Variants in TNFRSF8 observed in about 807,000 individuals in gnomAD.
TNFRSF8 encodes TNF receptor superfamily member 8.
A neutral mutation model predicts 70.8 loss-of-function variants in TNFRSF8; 26 were observed. The observed-to-expected ratio is 0.37, with a 90% CI of 0.27 to 0.51. The LOEUF (loss-of-function observed/expected upper bound fraction) is 0.51. TNFRSF8 is among the 20% of genes least tolerant of loss of function. The pLI, the probability that TNFRSF8 is intolerant of heterozygous loss-of-function variation, is 0.94. For synonymous variants in TNFRSF8, 356 were observed against 339.2 expected, an observed-to-expected ratio of 1.05 and a Z score of -0.54; for missense variants, 720 against 807.9, an observed-to-expected ratio of 0.89 and a Z score of 1.32.
Position 12,143,998 on chromosome 1 carries a change from T to C in TNFRSF8, c.*1467T>C, listed in dbSNP as rs1030349971. 8.5e-5 allele frequency: 13 copies of C among 152,216 alleles called. No individual in the cohort carries two copies. Among genetic ancestry groups the C allele is most frequent in the Non-Finnish European group, 1.6e-4 (11 of 68,044 alleles). The allele number at this position is 152,216 out of a possible 1,614,324, so 9.4% of individuals were successfully genotyped here. ...TGGGCAGACACTGTTTGCCCAGTGT[T>C]TGTGCAAGGATGGAGTGGGTGTCTC... is the stretch of plus-strand genomic sequence containing the variant. On this transcript the variant is annotated 3_prime_UTR_variant, in exon 15 of 15. Transcript: ENST00000263932. This position sits in a 1 kb window ranked among gnomAD's most constrained non-coding sequence, Gnocchi z 4.1.
At chr1:12,072,936 T>TG (rs1640873279) in intron 1 of TNFRSF8, among the ~76,000 whole-genome samples, 2 of 152,270 alleles carry the variant, frequency 1.3e-5, no homozygotes, top group Middle Eastern at 3.4e-3. Flanking sequence ...CCAAACGGTC[T>TG]GGGGGGCATG....
At chr1:12,117,227 T>C (rs1192368052) in intron 8 of TNFRSF8, among the ~76,000 whole-genome samples, 1 of 151,932 alleles carries the variant, frequency 6.6e-6, no homozygotes, top group Non-Finnish European at 1.5e-5. Context: ...GGATTACAGG[T>C]GCCCGCCACC....
Position 12,123,171 on chromosome 1 carries a change from T to G in TNFRSF8, c.947-113T>G, listed in dbSNP as rs536545110. ...CTTTTGAAACACAAATCTGACTGTCTTAGCTCCCACGGTGTTGCCTCGCTG... is the reference window on the plus strand; with the variant it reads ...CTTTTGAAACACAAATCTGACTGTCGTAGCTCCCACGGTGTTGCCTCGCTG... On this transcript the variant is annotated intron_variant, in intron 8 of 14. Coordinates refer to ENST00000263932, the MANE Select transcript of TNFRSF8 (RefSeq NM_001243.5). 39 of 837,622 alleles carry G rather than the reference T, an allele frequency of 4.7e-5. No individual in the cohort carries two copies. The Middle Eastern group carries it at 6.9e-4, about 15-fold the overall frequency. 51.9% of individuals were successfully genotyped at this position (837,622 alleles called of 1,614,324 possible). A position where few individuals can be genotyped will look rare whatever the true frequency, so the allele number is the denominator to read the frequency against.
chr1:12,077,664 C>G (rs926494900), intron 1 of TNFRSF8, among the ~76,000 whole-genome samples: 9 of 152,172 alleles, frequency 5.9e-5, no homozygotes, highest in Admixed American at 2.6e-4. Context: ...GGAAGTGGCA[C>G]TCATGAGTGA....
intron 12 of TNFRSF8, among the ~76,000 whole-genome samples, chr1:12,132,322 C>T: frequency 6.6e-6 from 1 of 152,260 alleles, no homozygotes; most frequent in Non-Finnish European, 1.5e-5. Context: ...AGCCACGTCA[C>T]ATTCAGTCAT....
intron 2 of TNFRSF8, among the ~76,000 whole-genome samples, chr1:12,094,211 A>G (rs886421757): frequency 6.6e-6 from 1 of 152,182 alleles, no homozygotes; most frequent in African/African-American, 2.4e-5. Context: ...TGTGATTACA[A>G]CAGTTAGGTG....
rs918632398 is a variant in TNFRSF8 at position 12,138,066 on chromosome 1, AC to A, written c.1336-160del. On this transcript the variant is annotated intron_variant, in intron 13 of 14. Transcript: ENST00000263932. The surrounding 1 kb of genome is among the most constrained non-coding windows in gnomAD (Gnocchi z 5.7). Reference sequence around the variant, plus strand: ...GTACAAATTAAAAGCAACAGACTTCACCCAGAAAGCTGAGAAGCCCGGGGCA... The same window carrying A: ...GTACAAATTAAAAGCAACAGACTTCACCAGAAAGCTGAGAAGCCCGGGGCA... 2.6e-5 allele frequency among the ~76,000 whole-genome samples: 4 copies of A among 151,916 alleles called. No individual in the cohort carries two copies. Among genetic ancestry groups the A allele is most frequent in the Non-Finnish European group, 5.9e-5 (4 of 67,976 alleles).
At chr1:12,132,606 G>C (rs1178654585) in intron 12 of TNFRSF8, among the ~76,000 whole-genome samples, 1 of 152,170 alleles carries the variant, frequency 6.6e-6, no homozygotes, top group Admixed American at 6.5e-5. Flanking sequence ...GGGAGGCCAA[G>C]CCTGGCAGAT....
At chr1:12,084,696 C>T (rs920265470) in intron 2 of TNFRSF8, 145 bp downstream of exon 2, 15 of 764,800 alleles carry the variant, frequency 2.0e-5, no homozygotes, top group African/African-American at 5.2e-5. Flanking sequence ...TTCCTAGTGT[C>T]GCGGAGTCCA....
rs141023619 is a variant in TNFRSF8 at position 12,111,999 on chromosome 1, G to A, written c.778G>A (p.Val260Met). ...CGAGGCCGGCCGCTGCACGGCCTGCGTGAGCTGTTCTCGAGGTAAGGGCCT... is the reference window on the plus strand; with the variant it reads ...CGAGGCCGGCCGCTGCACGGCCTGCATGAGCTGTTCTCGAGGTAAGGGCCT... ...LDEAGRCTACVSCSRDDLVEK... is the reference protein window; with the variant it reads ...LDEAGRCTACMSCSRDDLVEK... Residue 260 changes from valine to methionine, a missense_variant, in exon 7 of 15, where the codon GTG (valine) becomes ATG (methionine). Val to Met is a conservative substitution (Grantham distance 21). Transcript: ENST00000263932. 2.5e-5 allele frequency: 41 copies of A among 1,614,062 alleles called. No homozygotes were observed. The East Asian group carries it at 3.1e-4, about 12-fold the overall frequency.
chr1:12,136,779 G>A (rs6688210), intron 13 of TNFRSF8, among the ~76,000 whole-genome samples: 2,880 of 151,780 alleles, frequency 0.019, 84 homozygotes, highest in African/African-American at 0.065. Context: ...CCTTCTGATA[G>A]GTAGTTGTGG....
chr1:12,077,747 CT>C (rs1640990643), intron 1 of TNFRSF8: 1 of 152,338 alleles, frequency 6.6e-6, no homozygotes, highest in Non-Finnish European at 1.5e-5. Flanking sequence ...GCACAGGCTG[CT>C]GCAGGGAGTG....
chr1:12,117,443 G>T (rs934250370), intron 8 of TNFRSF8, among the ~76,000 whole-genome samples: 7 of 152,162 alleles, frequency 4.6e-5, no homozygotes, highest in African/African-American at 1.7e-4. Context: ...CGGGCCACTA[G>T]TGGGGTGCTG....
intron 12 of TNFRSF8, among the ~76,000 whole-genome samples, chr1:12,128,855 GAC>G (rs1427464463): frequency 3.3e-4 from 6 of 18,346 alleles, no homozygotes; most frequent in Middle Eastern, 0.036. Context: ...TTTTTTTTGA[GAC>G]AGAGTCTCGC....
chr1:12,143,212 C>G lies in TNFRSF8; in HGVS notation c.*681C>G, dbSNP rs1372157692. ...CACCTTCCCTGTCCTGTAGCCCCCT[C>G]GGTGGGCCCAGGGCCTAGGGCCCAG... On this transcript the variant is annotated 3_prime_UTR_variant, in exon 15 of 15. Transcript: ENST00000263932. The surrounding 1 kb of genome is among the most constrained non-coding windows in gnomAD (Gnocchi z 4.1). The G allele has an allele frequency of 5.2e-5, 8 of 152,536 alleles. No homozygotes were observed. The highest frequency in any genetic ancestry group is 1.9e-4 in the African/African-American group (8 of 41,554). The allele number at this position is 152,536 out of a possible 1,614,324, so 9.4% of individuals were successfully genotyped here.
intron 12 of TNFRSF8, among the ~76,000 whole-genome samples, chr1:12,133,663 C>A (rs1259014036): frequency 2.7e-5 from 4 of 148,168 alleles, no homozygotes; most frequent in African/African-American, 1.0e-4. Context: ...TCGCTTGAAC[C>A]CAGGAGGCGG....
Position 12,135,600 on chromosome 1 carries a change from G to T in TNFRSF8, c.1322G>T (p.Arg441Met). 1.9e-6 allele frequency: 3 copies of T among 1,614,160 alleles called. No individual in the cohort carries two copies. Among genetic ancestry groups the T allele is most frequent in the Non-Finnish European group, 2.5e-6 (3 of 1,180,028 alleles). ...PKLELVDSRPRRSSTQLRSGA... is the reference protein window; with the variant it reads ...PKLELVDSRPMRSSTQLRSGA... ...TTGCTTTTTGCAGATTCCAGACCCAGGAGGAGCTCAACGGTAAGTACCCCT... is the reference window on the plus strand; with the variant it reads ...TTGCTTTTTGCAGATTCCAGACCCATGAGGAGCTCAACGGTAAGTACCCCT... The change falls in exon 13 of 15, where the codon AGG (arginine) becomes ATG (methionine). Residue 441 changes from arginine (R) to methionine (M), a missense_variant. Coordinates refer to ENST00000263932, the MANE Select transcript of TNFRSF8 (RefSeq NM_001243.5).
At chr1:12,131,654 C>T (rs866129762) in intron 12 of TNFRSF8, among the ~76,000 whole-genome samples, 2 of 152,108 alleles carry the variant, frequency 1.3e-5, no homozygotes, top group Non-Finnish European at 2.9e-5. Flanking sequence ...CCACCACGCC[C>T]AGCTAACTTT....
intron 8 of TNFRSF8, among the ~76,000 whole-genome samples, chr1:12,116,599 A>G (rs1485495618): frequency 6.6e-6 from 1 of 151,948 alleles, no homozygotes; most frequent in Non-Finnish European, 1.5e-5. Context: ...TCAGGAGTTC[A>G]AGACCAGCCT....
Sources: gnomAD v4.1 joint callset for allele counts (sites outside exome capture counted in the v4.1 genomes callset) on GRCh38, gnomAD v4.1.1 for gene constraint, Gnocchi (gnomAD v3.1) non-coding constraint, MANE v1.5 for transcripts, NCBI Gene and HGNC (gene_info 2026-07-23, HGNC 2026-07-21) for gene names.